The following PEX19 variants were observed in gnomAD, a reference collection of about 807,000 sequenced individuals.
PEX19 encodes the protein 33 kDa housekeeping protein.
PEX19 carries 29 observed loss-of-function variants against 36.3 expected under a neutral mutation model. The observed-to-expected ratio is 0.80, with a 90% CI of 0.60 to 1.09. The LOEUF is 1.09. Among genes scored for constraint, PEX19 ranks in the 50% least tolerant of loss-of-function variants. The pLI, the probability that PEX19 is intolerant of heterozygous loss-of-function variation, is 0.00. For synonymous variants in PEX19, 141 were observed against 135.2 expected (o/e 1.04, Z -0.30); for missense variants, 396 against 368.1 (o/e 1.08, Z -0.62).
chr1:160,278,311 C>T lies in PEX19; in HGVS notation c.*1240G>A, dbSNP rs1195100758. ...TTCTACATTGAAATACTCAAGGGAA[C>T]ATGAGGAAAGATGGCCATCCAGTCT... On this transcript the variant is annotated 3_prime_UTR_variant, in exon 8 of 8. Transcript: ENST00000368072. 1.4e-6 allele frequency: 1 copy of T among 692,246 alleles called. No homozygotes were observed. Among genetic ancestry groups the T allele is most frequent in the Non-Finnish European group, 2.6e-6 (1 of 380,242 alleles). 42.9% of individuals were successfully genotyped at this position (692,246 alleles called of 1,614,324 possible).
Position 160,279,523 on chromosome 1 carries a change from G to A in PEX19, c.*28C>T. Reference sequence around the variant, plus strand: ...TGACTCCAGATGTTCCCCATAGCTGGGACTCAGAGAGGAAAACGTGTTGTG... The same window carrying A: ...TGACTCCAGATGTTCCCCATAGCTGAGACTCAGAGAGGAAAACGTGTTGTG... On this transcript the variant is annotated 3_prime_UTR_variant, in exon 8 of 8. Coordinates refer to ENST00000368072, the MANE Select transcript of PEX19 (RefSeq NM_002857.4). 9 of 1,580,592 alleles carry A rather than the reference G, an allele frequency of 5.7e-6. No individual in the cohort carries two copies. In the South Asian group the frequency reaches 6.6e-5, roughly 12 times the overall value.
rs1032810128 is a variant in PEX19 at position 160,277,407 on chromosome 1, T to G, written c.*2144A>C. The G allele has an allele frequency of 2.2e-6, 1 of 455,974 alleles. No homozygotes were observed. The highest frequency in any genetic ancestry group is 4.4e-6 in the Non-Finnish European group (1 of 226,812). 28.2% of individuals were successfully genotyped at this position (455,974 alleles called of 1,614,324 possible). On this transcript the variant is annotated 3_prime_UTR_variant, in exon 8 of 8. Coordinates refer to ENST00000368072, the MANE Select transcript of PEX19 (RefSeq NM_002857.4). ...CCATACCTGTCATGGGCAATAGGAA[T>G]GCATATTGATAAGTGAAGGACTGGA...
chr1:160,281,973 A>G (rs146390548), intron 5 of PEX19, 66 bp downstream of exon 5: 2 of 1,399,780 alleles, frequency 1.4e-6, no homozygotes, highest in African/African-American at 1.4e-5. Flanking sequence ...TGAGTAGACA[A>G]AATAGCCCAC....
At chr1:160,280,315 T>A in intron 5 of PEX19, 69 bp from the exon 6 acceptor site, 1 of 1,406,436 alleles carries the variant, frequency 7.1e-7, no homozygotes, top group Admixed American at 1.7e-5. Context: ...ATCAGAACAA[T>A]GTGATTAAAA....
chr1:160,283,652 G>A lies in PEX19; in HGVS notation c.71-13C>T. The A allele has an allele frequency of 1.3e-6, 2 of 1,592,624 alleles. No homozygotes were observed. Among genetic ancestry groups the A allele is most frequent in the Non-Finnish European group, 1.7e-6 (2 of 1,160,378 alleles). On this transcript the variant is annotated splice_polypyrimidine_tract_variant and intron_variant, in intron 1 of 7. Transcript: ENST00000368072. ...TCATCAAGAGCACCTTCAGAGACAAGAGACATGGTGTGTGTGTTGGCGACA... is the reference window on the plus strand; with the variant it reads ...TCATCAAGAGCACCTTCAGAGACAAAAGACATGGTGTGTGTGTTGGCGACA...
chr1:160,284,059 T>C (rs1657896719), intron 1 of PEX19: 1 of 471,820 alleles, frequency 2.1e-6, no homozygotes, highest in Admixed American at 2.4e-5. Flanking sequence ...AATAACTTGG[T>C]GAGAAAGCAC....
Position 160,282,131 on chromosome 1 carries a change from C to A in PEX19, c.502G>T (p.Glu168Ter). 6.2e-7 allele frequency: 1 copy of A among 1,613,830 alleles called. No individual in the cohort carries two copies. Residue 168 changes from glutamate to a stop codon, truncating the protein, a stop_gained, in exon 5 of 8, where the codon GAA (glutamate) becomes TAA (stop). Coordinates refer to ENST00000368072, the MANE Select transcript of PEX19 (RefSeq NM_002857.4). LOFTEE classifies it high-confidence loss of function. ...EGLGMDEGDG[E>*]GNILPIMQSI... ...TGCATGATGGGGAGGATGTTCCCTTCCCCATCCCCTTCGTCCATGCCTAGC... is the reference window on the plus strand; with the variant it reads ...TGCATGATGGGGAGGATGTTCCCTTACCCATCCCCTTCGTCCATGCCTAGC...
In PEX19 at chr1:160,279,071, G is replaced by C. The variant is rs1157642976; in HGVS notation, c.*480C>G. On this transcript the variant is annotated 3_prime_UTR_variant, in exon 8 of 8. Transcript: ENST00000368072. ...AAGAGAGCATAGTGACAGACCTGTA[G>C]CCCCAGCCCAGGCTGTTTCTCCCCA... 8.8e-6 allele frequency: 4 copies of C among 454,638 alleles called. No homozygotes were observed. In the East Asian group the frequency reaches 2.8e-4, roughly 32 times the overall value. 28.2% of individuals were successfully genotyped at this position (454,638 alleles called of 1,614,324 possible). A position where few individuals can be genotyped will look rare whatever the true frequency, so the allele number is the denominator to read the frequency against.
chr1:160,283,091 G>A lies in PEX19; in HGVS notation c.199C>T (p.Gln67Ter), dbSNP rs1657845463. Residue 67 changes from glutamine to a stop codon, truncating the protein, a stop_gained, in exon 3 of 8, where the codon CAA becomes TAA. Transcript: ENST00000368072. LOFTEE classifies it high-confidence loss of function. ...DTAKDALFASQEKFFQELFDS... is the reference protein window; with the variant it reads ...DTAKDALFAS ...AATAGTTCCTGGAAAAACTTCTCTT[G>A]GGAAGCGAAGAGGGCATCCTGCGGG... 8.7e-6 allele frequency: 14 copies of A among 1,613,770 alleles called. No homozygotes were observed. The highest frequency in any genetic ancestry group is 1.1e-5 in the Non-Finnish European group (13 of 1,180,024).
chr1:160,283,933 T>C (rs1175424427), intron 1 of PEX19, among the ~76,000 whole-genome samples: 1 of 152,182 alleles, frequency 6.6e-6, no homozygotes, highest in East Asian at 1.9e-4. Context: ...TCTCCATCTA[T>C]AGTGTCTCCC....
chr1:160,284,966 G>A lies in PEX19; in HGVS notation c.70+89C>T. 5 of 996,076 alleles carry A rather than the reference G, an allele frequency of 5.0e-6. No homozygotes were observed. In the South Asian group the frequency reaches 6.4e-5, roughly 13 times the overall value. 61.7% of individuals were successfully genotyped at this position (996,076 alleles called of 1,614,324 possible). ...ATTTAACCTTTGGAGAGCCTCTCCT[G>A]CCCGTCCCTAATATCTCAGGTTCAC... On this transcript the variant is annotated intron_variant, in intron 1 of 7. Transcript: ENST00000368072.
Position 160,282,617 on chromosome 1 carries a change from C to T in PEX19, c.347-115G>A, listed in dbSNP as rs1216667334. On this transcript the variant is annotated intron_variant, in intron 3 of 7. Coordinates refer to ENST00000368072, the MANE Select transcript of PEX19 (RefSeq NM_002857.4). Reference sequence around the variant, plus strand: ...CTAGTGAATCATTATCACTCCCAATCTTGGAAAACCCTATGGTTATCTTCA... The same window carrying T: ...CTAGTGAATCATTATCACTCCCAATTTTGGAAAACCCTATGGTTATCTTCA... 7 of 817,826 alleles carry T rather than the reference C, an allele frequency of 8.6e-6. No homozygotes were observed. In the Admixed American group the frequency reaches 1.3e-4, roughly 16 times the overall value. 50.7% of individuals were successfully genotyped at this position (817,826 alleles called of 1,614,324 possible).
chr1:160,281,960 C>T (rs1243333576), intron 5 of PEX19, 79 bp downstream of exon 5: 1 of 1,230,496 alleles, frequency 8.1e-7, no homozygotes, highest in Non-Finnish European at 1.2e-6. Flanking sequence ...TTTCTGCAGG[C>T]TCTGAGTAGA....
In PEX19 at chr1:160,280,169, G is replaced by T. The variant is rs140105219; in HGVS notation, c.672C>A (p.Val224=). The T allele has an allele frequency of 6.2e-7, 1 of 1,613,740 alleles. No individual in the cohort carries two copies. The highest frequency in any genetic ancestry group is 8.5e-7 in the Non-Finnish European group (1 of 1,179,610). The change falls in exon 6 of 8, where the codon GTC becomes GTA. Residue 224 remains valine (V), a synonymous_variant. Transcript: ENST00000368072. ...QFEKYQEQHS[V]MCKICEQFEA... ...CAAACTGCTCACATATTTTGCACAT[G>T]ACGCTGTGCTGCTCCTGATATTTTT...
At chr1:160,279,995 G>A (rs1657703112) in intron 6 of PEX19, 75 bp downstream of exon 6, 2 of 1,468,654 alleles carry the variant, frequency 1.4e-6, no homozygotes, top group Non-Finnish European at 1.9e-6. Context: ...TAGCAGTATT[G>A]CATCCTTCCC....
chr1:160,285,068 C>G lies in PEX19; in HGVS notation c.57G>C (p.Glu19Asp), dbSNP rs1170972153. Residue 19 changes from glutamate to aspartate, a missense_variant, in exon 1 of 8, where the codon GAG becomes GAC. By Grantham distance (45) the Glu-to-Asp change is conservative (BLOSUM62 2). Transcript: ENST00000368072. ...ATGGGCTCTTACTTTCCAGAAGCTC[C>G]TCCAATTCCCTGTCCGCTTCGGCCC... is the stretch of plus-strand genomic sequence containing the variant. ...SVGAEADREL[E>D]ELLESALDDF... 2.5e-6 allele frequency: 4 copies of G among 1,613,300 alleles called. No individual in the cohort carries two copies. Among genetic ancestry groups the G allele is most frequent in the Non-Finnish European group, 3.4e-6 (4 of 1,179,330 alleles).
intron 3 of PEX19, 79 bp from the exon 4 acceptor site, chr1:160,282,581 TG>T: frequency 2.8e-6 from 3 of 1,069,546 alleles, no homozygotes; most frequent in Non-Finnish European, 4.4e-6. Flanking sequence ...AGCTTGGATA[TG>T]AAGCATTTAC....
intron 4 of PEX19, 37 bp downstream of exon 4, chr1:160,282,380 G>C (rs979402401): frequency 4.6e-6 from 7 of 1,519,108 alleles, no homozygotes; most frequent in Non-Finnish European, 6.4e-6. Context: ...ATGTCTGGGA[G>C]TGGACCCCTT....
rs567440104 is a variant in PEX19, at chr1:160,278,733, G to C, written c.*818C>G. 2.2e-6 allele frequency: 1 copy of C among 454,120 alleles called. No homozygotes were observed. Among genetic ancestry groups the C allele is most frequent in the Non-Finnish European group, 4.4e-6 (1 of 226,798 alleles). The allele number at this position is 454,120 out of a possible 1,614,324, so 28.1% of individuals were successfully genotyped here. On this transcript the variant is annotated 3_prime_UTR_variant, in exon 8 of 8. Transcript: ENST00000368072. The stretch of plus-strand genomic sequence containing the variant: ...TGAGAATCGTAAATGGACTAGATGA[G>C]GGGAAATAGGATGGGCCCTTCTTTA...
Sources: gnomAD v4.1 joint callset for allele counts (sites outside exome capture counted in the v4.1 genomes callset) on GRCh38, gnomAD v4.1.1 for gene constraint, MANE v1.5 for transcripts, NCBI Gene and HGNC (gene_info 2026-07-23, HGNC 2026-07-21) for gene names.